Variants in ATP2B3 observed in about 807,000 individuals in gnomAD.
ATP2B3 encodes the protein ATPase plasma membrane Ca2+ transporting 3, also known as plasma membrane calcium-transporting ATPase 3.
ATP2B3 carries 12 observed loss-of-function variants against 70.8 expected under a neutral mutation model. That is an observed-to-expected ratio of 0.17 (90% CI 0.11 to 0.27). The LOEUF is 0.27. Ranked by LOEUF, ATP2B3 falls within the 10% of genes least tolerant of loss-of-function variation. ATP2B3 has a pLI of 1.00. For missense variants in ATP2B3, 858 were observed against 1,118.5 expected (o/e 0.77, Z 3.32); for synonymous variants, 460 against 497.8 (o/e 0.92, Z 1.01).
chrX:153,545,102 GC>G (rs1156706718), intron 7 of ATP2B3, among the ~76,000 whole-genome samples: 4 of 107,498 alleles, frequency 3.7e-5, no homozygotes, highest in South Asian at 8.0e-4. Context: ...CGGGGGGGGG[GC>G]CCTCCCTGCT....
chrX:153,580,572 G>C lies in ATP2B3; in HGVS notation c.*274G>C, dbSNP rs1318424233. The C allele has an allele frequency of 3.1e-6, 1 of 322,006 alleles. No individual in the cohort carries two copies. Among genetic ancestry groups the C allele is most frequent in the African/African-American group, 2.6e-5 (1 of 38,675 alleles). The allele number at this position is 322,006 out of a possible 1,213,427, so 26.5% of individuals were successfully genotyped here. On this transcript the variant is annotated 3_prime_UTR_variant, in exon 22 of 22. Coordinates refer to ENST00000263519, the MANE Select transcript of ATP2B3 (RefSeq NM_001001344.3). ...GGAGGACAAAAAGGGGGAGGAGAAGGTTCTTCGTCCAAAGGAGGAAGGAGA... is the reference window on the plus strand; with the variant it reads ...GGAGGACAAAAAGGGGGAGGAGAAGCTTCTTCGTCCAAAGGAGGAAGGAGA...
intron 3 of ATP2B3, among the ~76,000 whole-genome samples, 196 bp from the exon 4 acceptor site, chrX:153,541,163 A>G (rs999566111): frequency 8.9e-6 from 1 of 111,862 alleles, no homozygotes; most frequent in Non-Finnish European, 1.9e-5. Flanking sequence ...CCGCATGCTC[A>G]CTCCCACGTG....
intron 2 of ATP2B3, among the ~76,000 whole-genome samples, chrX:153,535,694 A>G (rs2090180709): frequency 8.9e-6 from 1 of 112,704 alleles, no homozygotes; most frequent in African/African-American, 3.2e-5. Context: ...GCAGGGAGTG[A>G]ACCGGAGTGA....
intron 21 of ATP2B3, among the ~76,000 whole-genome samples, chrX:153,576,212 A>T (rs1443927974): frequency 9.0e-6 from 1 of 110,655 alleles, no homozygotes; most frequent in Non-Finnish European, 1.9e-5. Flanking sequence ...GAGCTCGGAA[A>T]CTCCACCTAG....
chrX:153,556,943 C>A lies in ATP2B3; in HGVS notation c.2353C>A (p.Gln785Lys). 8.4e-7 allele frequency: 1 copy of A among 1,195,220 alleles called. No individual in the cohort carries two copies. Among genetic ancestry groups the A allele is most frequent in the Non-Finnish European group, 1.1e-6 (1 of 887,085 alleles). The change falls in exon 16 of 22, where the codon CAG becomes AAG. Residue 785 changes from glutamine to lysine, a missense_variant. Transcript: ENST00000263519. ...KGIIDSTTGE[Q>K]RQVVAVTGDG... ...GATTATCGACAGCACCACTGGTGAGCAGCGGCAGGTGGTGGCTGTGACAGG... is the reference window on the plus strand; with the variant it reads ...GATTATCGACAGCACCACTGGTGAGAAGCGGCAGGTGGTGGCTGTGACAGG...
intron 2 of ATP2B3, among the ~76,000 whole-genome samples, chrX:153,522,325 G>A (rs1183376903): frequency 1.8e-5 from 2 of 112,491 alleles, no homozygotes; most frequent in African/African-American, 6.5e-5. Context: ...CCCTCCTGGA[G>A]CCTTTGTGCT....
intron 7 of ATP2B3, among the ~76,000 whole-genome samples, chrX:153,545,278 C>T (rs185364183): frequency 3.5e-5 from 4 of 113,313 alleles, no homozygotes; most frequent in African/African-American, 1.3e-4. Context: ...TGCTGTGTGC[C>T]GGGGCTCAGG....
Position 153,562,127 on chromosome X carries a change from C to T in ATP2B3, c.3052-8C>T. 2 of 1,209,324 alleles carry T rather than the reference C, an allele frequency of 1.7e-6. No homozygotes were observed. The highest frequency in any genetic ancestry group is 5.9e-5 in the East Asian group (2 of 33,833). ...TGGACCTGCCTCTCTCCCACTTGCC[C>T]TTCGCAGATTGTCATCGTCCAGTTT... On this transcript the variant is annotated splice_region_variant and splice_polypyrimidine_tract_variant and intron_variant, in intron 19 of 21. Coordinates refer to ENST00000263519, the MANE Select transcript of ATP2B3 (RefSeq NM_001001344.3).
In ATP2B3 at chrX:153,552,028, G is replaced by A. The variant is rs782096265; in HGVS notation, c.1824-1007G>A. Among the ~76,000 whole-genome samples, 10 of 112,657 alleles carry A rather than the reference G, an allele frequency of 8.9e-5. No individual in the cohort carries two copies. The East Asian group carries it at 1.1e-3, about 13-fold the overall frequency. ...CCTGCCTGGCCGCCCCACCCACAGC[G>A]CTCTCCCAGAACTCTGCCAGGTGCA... is the stretch of plus-strand genomic sequence containing the variant. On this transcript the variant is annotated intron_variant, in intron 12 of 21. Transcript: ENST00000263519.
intron 2 of ATP2B3, among the ~76,000 whole-genome samples, chrX:153,533,672 G>A (rs782406877): frequency 8.9e-6 from 1 of 111,854 alleles, no homozygotes; most frequent in African/African-American, 3.3e-5. Context: ...AGGGCCAGCA[G>A]GGCCAGCCGA....
Position 153,565,060 on chromosome X carries a change from G to C in ATP2B3, c.3299G>C (p.Gly1100Ala). ...CATGCCGAGCGGGAGCTCCGCAGGG[G>C]CCAGATCCTCTGGTTCCGGGGCCTG... ...IDHAERELRRGQILWFRGLNR... is the reference protein window; with the variant it reads ...IDHAERELRRAQILWFRGLNR... Residue 1100 changes from glycine (G) to alanine (A), a missense_variant, in exon 21 of 22, where the codon GGC (glycine) becomes GCC (alanine). This residue lies in a region of ATP2B3 where 265 missense variants were observed against 305.3 expected (regional missense o/e 0.87). Coordinates refer to ENST00000263519, the MANE Select transcript of ATP2B3 (RefSeq NM_001001344.3). The C allele has an allele frequency of 8.3e-7, 1 of 1,199,019 alleles. No homozygotes were observed. The highest frequency in any genetic ancestry group is 1.8e-5 in the South Asian group (1 of 54,944).
At chrX:153,536,862 G>A (rs1225367192) in intron 3 of ATP2B3, among the ~76,000 whole-genome samples, 2 of 112,537 alleles carry the variant, frequency 1.8e-5, no homozygotes, top group African/African-American at 6.5e-5. Context: ...AGGAGGAAGG[G>A]ATGCAGGGTG....
intron 10 of ATP2B3, among the ~76,000 whole-genome samples, chrX:153,549,289 T>A (rs1038317020): frequency 2.8e-5 from 3 of 108,853 alleles, no homozygotes; most frequent in Non-Finnish European, 5.7e-5. Context: ...AGGTCCCGGG[T>A]GCGCATCCCG....
chrX:153,538,684 C>T (rs781810738), intron 3 of ATP2B3, among the ~76,000 whole-genome samples: 5 of 113,204 alleles, frequency 4.4e-5, no homozygotes, highest in African/African-American at 1.3e-4. Flanking sequence ...CCATGCCAAC[C>T]GGCCAGCCCC....
At chrX:153,547,730 G>T in intron 8 of ATP2B3, 105 bp from the exon 9 acceptor site, 1 of 957,940 alleles carries the variant, frequency 1.0e-6, no homozygotes, top group Non-Finnish European at 1.4e-6. Flanking sequence ...ACTGAATCCC[G>T]TCTCCTCTCT....
intron 21 of ATP2B3, 109 bp from the exon 22 acceptor site, chrX:153,579,869 C>T: frequency 1.4e-6 from 1 of 716,497 alleles, no homozygotes; most frequent in Admixed American, 3.0e-5. Flanking sequence ...CGGCCACTGA[C>T]TGTCTCCTTC....
intron 7 of ATP2B3, 54 bp from the exon 8 acceptor site, chrX:153,546,034 C>A (rs2090360812): frequency 1.9e-5 from 23 of 1,192,723 alleles, no homozygotes; most frequent in Non-Finnish European, 2.2e-5. Flanking sequence ...TGCCACGCGG[C>A]CCCCAGGCTG....
chrX:153,548,553 G>T, intron 9 of ATP2B3, 87 bp from the exon 10 acceptor site: 1 of 852,145 alleles, frequency 1.2e-6, no homozygotes, highest in Non-Finnish European at 1.7e-6. Context: ...CTCCGAGACC[G>T]TGTCCATACC....
At chrX:153,519,648 A>C (rs1569532955) in intron 2 of ATP2B3, among the ~76,000 whole-genome samples, 1 of 112,514 alleles carries the variant, frequency 8.9e-6, no homozygotes, top group Non-Finnish European at 1.9e-5. Context: ...ACGGGCTGGG[A>C]ACTTGTGGTC....
Sources: gnomAD v4.1 joint callset for allele counts (sites outside exome capture counted in the v4.1 genomes callset) on GRCh38, gnomAD v4.1.1 for gene constraint, gnomAD v4.1.1 regional missense constraint, MANE v1.5 for transcripts, NCBI Gene and HGNC (gene_info 2026-07-23, HGNC 2026-07-21) for gene names.